RTF1: variants seen among roughly 807,000 people sequenced by gnomAD.
RTF1 encodes RNA polymerase-associated protein RTF1 homolog.
A neutral mutation model predicts 95.7 loss-of-function variants in RTF1; 10 were observed. The ratio of observed to expected loss-of-function variants is 0.10; its 90% CI spans 0.06 to 0.18. The LOEUF is 0.18. Ranked by LOEUF, RTF1 falls within the 10% of genes least tolerant of loss-of-function variation. RTF1 has a pLI of 1.00. For missense variants in RTF1, 458 were observed against 875.6 expected (o/e 0.52, Z 6.02); for synonymous variants, 305 against 311.8 (o/e 0.98, Z 0.23).
chr15:41,480,492 ACAGT>A, intron 17 of RTF1, 85 bp from the exon 18 acceptor site: 1 of 1,066,364 alleles, frequency 9.4e-7, no homozygotes, highest in South Asian at 1.3e-5. Context: ...GAACAGGGCC[ACAGT>A]CAGGAGGCTG....
intron 4 of RTF1, among the ~76,000 whole-genome samples, chr15:41,461,348 A>G (rs2050847613): frequency 6.6e-6 from 1 of 150,692 alleles, no homozygotes; most frequent in Non-Finnish European, 1.5e-5. Context: ...TGCCTGGCCA[A>G]TTTTTGTATT....
rs1566852184 is a variant in RTF1 at position 41,482,213 on chromosome 15, G to GA, written c.*1530dup. ...GTGTGTATGTCTTTATGAAATGTTT[G>GA]AAAAGAGATAAACTGACTGCTTGAT... On this transcript the variant is annotated 3_prime_UTR_variant, in exon 18 of 18. Coordinates refer to ENST00000389629, the MANE Select transcript of RTF1 (RefSeq NM_015138.5). 1 of 152,662 alleles carries GA rather than the reference G, an allele frequency of 6.6e-6. No individual in the cohort carries two copies. The highest frequency in any genetic ancestry group is 1.5e-5 in the Non-Finnish European group (1 of 68,048). The allele number at this position is 152,662 out of a possible 1,614,324, so 9.5% of individuals were successfully genotyped here.
intron 2 of RTF1, among the ~76,000 whole-genome samples, chr15:41,448,414 C>G (rs1014857036): frequency 2.6e-5 from 4 of 152,082 alleles, no homozygotes; most frequent in African/African-American, 9.7e-5. Context: ...CGCCTGTAAT[C>G]TCAGCATTTT....
intron 6 of RTF1, among the ~76,000 whole-genome samples, chr15:41,469,645 C>T (rs1486379186): frequency 1.3e-5 from 2 of 151,996 alleles, no homozygotes; most frequent in African/African-American, 4.8e-5. Context: ...CCTGCCTCAG[C>T]CTCCCAAGTA....
rs55996061 is a variant in RTF1, at chr15:41,440,968, CTTTT to C, written c.309+2555_309+2558del. On this transcript the variant is annotated intron_variant, in intron 2 of 17. Coordinates refer to ENST00000389629, the MANE Select transcript of RTF1 (RefSeq NM_015138.5). ...TAATTTTCTCTCCCACTAGTCCCCT[CTTTT>C]TTTTTTTTTTTTTTTTTGAGACGGA... Among the ~76,000 whole-genome samples, 4 of 115,426 alleles carry C rather than the reference CTTTT, an allele frequency of 3.5e-5. No homozygotes were observed. The South Asian group carries it at 1.1e-3, about 32-fold the overall frequency. The allele number at this position is 115,426 out of a possible 152,430, so 75.7% of individuals were successfully genotyped here.
At position 41,446,973 on chromosome 15, in the gene RTF1, T is replaced by C. The variant is rs1406366938; in HGVS notation, c.310-5928T>C. Among the ~76,000 whole-genome samples, 4 of 152,062 alleles carry C rather than the reference T, an allele frequency of 2.6e-5. No individual in the cohort carries two copies. The East Asian group carries it at 7.7e-4, about 29-fold the overall frequency. ...GCCCACCACCAGGCCTGGCTAATTTTTGTATTTTTAGTAGAGTCAGGGTTT... is the reference window on the plus strand; with the variant it reads ...GCCCACCACCAGGCCTGGCTAATTTCTGTATTTTTAGTAGAGTCAGGGTTT... On this transcript the variant is annotated intron_variant, in intron 2 of 17. Transcript: ENST00000389629.
chr15:41,457,615 G>T, intron 3 of RTF1, 57 bp from the exon 4 acceptor site: 14 of 1,472,346 alleles, frequency 9.5e-6, no homozygotes, highest in Non-Finnish European at 1.1e-5. Flanking sequence ...TTGTGGAGCC[G>T]CTTGTGGCCT....
intron 1 of RTF1, among the ~76,000 whole-genome samples, chr15:41,417,986 A>T (rs556288271): frequency 2.0e-4 from 31 of 152,286 alleles, no homozygotes; most frequent in Non-Finnish European, 1.5e-5. Flanking sequence ...ATAGAGAACT[A>T]TGTAGGGCGA....
chr15:41,461,857 G>A (rs373758252), intron 4 of RTF1, among the ~76,000 whole-genome samples: 5 of 151,398 alleles, frequency 3.3e-5, no homozygotes, highest in Non-Finnish European at 7.4e-5. Flanking sequence ...CACCCACCTC[G>A]GCTTTCCAAA....
intron 2 of RTF1, among the ~76,000 whole-genome samples, chr15:41,442,358 G>A (rs987706201): frequency 2.6e-5 from 4 of 151,720 alleles, no homozygotes; most frequent in Admixed American, 6.6e-5. Context: ...TAATAGAGAC[G>A]GGGTTTTACA....
At chr15:41,441,994 A>G (rs1015430590) in intron 2 of RTF1, among the ~76,000 whole-genome samples, 2 of 152,154 alleles carry the variant, frequency 1.3e-5, no homozygotes, top group African/African-American at 4.8e-5. Flanking sequence ...CAGTTCAGAA[A>G]ATAACTATTA....
intron 8 of RTF1, among the ~76,000 whole-genome samples, chr15:41,472,765 G>C (rs758464744): frequency 3.3e-5 from 5 of 150,532 alleles, no homozygotes; most frequent in Admixed American, 1.3e-4. Context: ...TCAGTGGCAC[G>C]ATCTCGGCTC....
At chr15:41,469,217 C>T (rs2140649957) in intron 6 of RTF1, among the ~76,000 whole-genome samples, 1 of 152,150 alleles carries the variant, frequency 6.6e-6, no homozygotes, top group African/African-American at 2.4e-5. Context: ...TCCGCCTTGC[C>T]TTGGCCTCCC....
intron 2 of RTF1, among the ~76,000 whole-genome samples, chr15:41,439,706 C>T (rs988551379): frequency 1.3e-5 from 2 of 152,176 alleles, no homozygotes; most frequent in African/African-American, 4.8e-5. Flanking sequence ...GGCCAGAGTG[C>T]AACGGCACGA....
chr15:41,453,142 A>G lies in RTF1; in HGVS notation c.457+94A>G, dbSNP rs1566843183. 1.6e-5 allele frequency: 16 copies of G among 1,022,778 alleles called. 1 individual carries two copies. The highest frequency in any genetic ancestry group is 2.2e-5 in the Non-Finnish European group (16 of 722,804). The allele number at this position is 1,022,778 out of a possible 1,614,324, so 63.4% of individuals were successfully genotyped here. A position where few individuals can be genotyped will look rare whatever the true frequency, so the allele number is the denominator to read the frequency against. ...AGTGGGGAGGAAGGGGGGTACTTGCATTCAGCATGACCTCTTCTTTAGAGC... is the reference window on the plus strand; with the variant it reads ...AGTGGGGAGGAAGGGGGGTACTTGCGTTCAGCATGACCTCTTCTTTAGAGC... On this transcript the variant is annotated intron_variant, in intron 3 of 17. Transcript: ENST00000389629.
intron 1 of RTF1, among the ~76,000 whole-genome samples, chr15:41,426,134 A>T (rs11634614): frequency 0.077 from 11,693 of 151,338 alleles, 622 homozygotes; most frequent in Non-Finnish European, 0.11. Context: ...AAAAAAAAAA[A>T]TTTTTTTTGG....
At chr15:41,477,786 A>G (rs2050949245) in intron 14 of RTF1, among the ~76,000 whole-genome samples, 1 of 152,126 alleles carries the variant, frequency 6.6e-6, no homozygotes, top group African/African-American at 2.4e-5. Context: ...TGTTTCCCCC[A>G]TATCTACTCT....
At chr15:41,445,508 T>C (rs1160923219) in intron 2 of RTF1, among the ~76,000 whole-genome samples, 1 of 152,218 alleles carries the variant, frequency 6.6e-6, no homozygotes, top group African/African-American at 2.4e-5. Context: ...GTTTTTGTGA[T>C]TGAGTGCAAG....
At chr15:41,449,434 T>C (rs2140956878) in intron 2 of RTF1, among the ~76,000 whole-genome samples, 1 of 152,126 alleles carries the variant, frequency 6.6e-6, no homozygotes, top group East Asian at 1.9e-4. Context: ...GGTTTCACCG[T>C]GTTAGCCAGG....
Sources: allele counts gnomAD v4.1 joint callset (sites outside exome capture counted in the v4.1 genomes callset), GRCh38; gene constraint gnomAD v4.1.1; transcripts MANE v1.5; gene names NCBI Gene and HGNC (gene_info 2026-07-23, HGNC 2026-07-21).